Variants in STK32B observed in about 807,000 individuals in gnomAD.
STK32B encodes serine/threonine-protein kinase 32B.
Under a neutral mutation model 52.6 loss-of-function variants are expected in STK32B, and 43 were observed. The observed-to-expected ratio is 0.82, with a 90% CI of 0.64 to 1.05. The LOEUF (loss-of-function observed/expected upper bound fraction) is 1.05. Among genes scored for constraint, STK32B ranks in the 50% least tolerant of loss-of-function variants. STK32B has a pLI of 0.00. For missense variants in STK32B, 621 were observed against 534.6 expected, an observed-to-expected ratio of 1.16 and a Z score of -1.59; for synonymous variants, 238 against 204.3, an observed-to-expected ratio of 1.17 and a Z score of -1.41.
chr4:5,128,365 C>G (rs1055556093), intron 1 of STK32B, among the ~76,000 whole-genome samples: 3 of 152,228 alleles, frequency 2.0e-5, no homozygotes, highest in African/African-American at 7.2e-5. Flanking sequence ...TTCTTATTGT[C>G]TCTCAAACAT....
At chr4:5,480,711 T>A (rs533941824) in intron 11 of STK32B, among the ~76,000 whole-genome samples, 38 of 152,116 alleles carry the variant, frequency 2.5e-4, no homozygotes, top group Non-Finnish European at 4.7e-4. Context: ...TAGGTATATC[T>A]CCTAATGCTA....
At chr4:5,352,617 TAAA>T (rs1553876827) in intron 4 of STK32B, among the ~76,000 whole-genome samples, 33 of 86,004 alleles carry the variant, frequency 3.8e-4, no homozygotes, top group African/African-American at 1.8e-3. Flanking sequence ...GAGAAAGAAA[TAAA>T]AAAAAAAAAA....
chr4:5,280,443 C>G (rs950023523), intron 3 of STK32B, among the ~76,000 whole-genome samples: 2 of 152,176 alleles, frequency 1.3e-5, no homozygotes, highest in Non-Finnish European at 2.9e-5. Flanking sequence ...TCCTGACTCT[C>G]CCTCGTCTCC....
chr4:5,422,695 C>G (rs195099), intron 6 of STK32B, among the ~76,000 whole-genome samples: 70,710 of 151,836 alleles, frequency 0.47, 17,677 homozygotes, highest in Middle Eastern at 0.71. Context: ...GGCTGCAGAG[C>G]GGGGTACTGC....
At chr4:5,034,872 T>C in the STK32B span, among the ~76,000 whole-genome samples, 2 of 152,212 alleles carry the variant, frequency 1.3e-5, no homozygotes, top group African/African-American at 4.8e-5. Context: ...GTAATGTCAG[T>C]AGCACTTGAT....
intron 3 of STK32B, among the ~76,000 whole-genome samples, chr4:5,201,714 G>T (rs893217621): frequency 1.3e-5 from 2 of 152,166 alleles, no homozygotes; most frequent in Non-Finnish European, 2.9e-5. Context: ...GGGGAGCAAG[G>T]CACATCTTAC....
rs185481256 is a variant in STK32B at position 5,318,974 on chromosome 4, G to T, written c.261-12246G>T. Among the ~76,000 whole-genome samples the T allele has an allele frequency of 3.5e-3, 534 of 151,886 alleles. 8 individuals are homozygous for T. Among genetic ancestry groups the T allele is most frequent in the Admixed American group, 0.032 (493 of 15,244 alleles). Reference sequence around the variant, plus strand: ...GCCACCATGCCCAGCTAATTTTTTTGTGTGTATTTTTAGTAGAGATGGGGT... The same window carrying T: ...GCCACCATGCCCAGCTAATTTTTTTTTGTGTATTTTTAGTAGAGATGGGGT... On this transcript the variant is annotated intron_variant, in intron 3 of 11. Coordinates refer to ENST00000282908, the MANE Select transcript of STK32B (RefSeq NM_018401.3).
chr4:5,058,737 T>C lies in STK32B; in HGVS notation c.52+6822T>C, dbSNP rs1319113434. Among the ~76,000 whole-genome samples the C allele has an allele frequency of 2.0e-5, 3 of 152,056 alleles. No homozygotes were observed. The highest frequency in any genetic ancestry group is 1.5e-5 in the Non-Finnish European group (1 of 68,014). ...CATGCCCTGCTAGTTTATTTATTTATTTTTTATTTATTTTACTTATTTATT... is the reference window on the plus strand; with the variant it reads ...CATGCCCTGCTAGTTTATTTATTTACTTTTTATTTATTTTACTTATTTATT... On this transcript the variant is annotated intron_variant, in intron 1 of 11. Coordinates refer to ENST00000282908, the MANE Select transcript of STK32B (RefSeq NM_018401.3). This position sits in a 1 kb window ranked among gnomAD's most constrained non-coding sequence, Gnocchi z 4.8.
intron 9 of STK32B, 126 bp from the exon 10 acceptor site, chr4:5,466,577 C>G: frequency 8.0e-7 from 1 of 1,252,610 alleles, no homozygotes; most frequent in Non-Finnish European, 1.1e-6. Context: ...AAAGGTAACC[C>G]GTGTATCCAA....
chr4:5,165,972 C>T (rs887794410), intron 2 of STK32B, among the ~76,000 whole-genome samples: 1 of 152,186 alleles, frequency 6.6e-6, no homozygotes, highest in East Asian at 1.9e-4. Context: ...CCCAGTGGTG[C>T]CGGGTGGGTT....
At chr4:5,377,620 C>T (rs898303297) in intron 4 of STK32B, among the ~76,000 whole-genome samples, 2 of 152,176 alleles carry the variant, frequency 1.3e-5, no homozygotes, top group African/African-American at 4.8e-5. Flanking sequence ...CCCATAATCC[C>T]CACGTGTCAA....
intron 4 of STK32B, among the ~76,000 whole-genome samples, chr4:5,390,348 G>A (rs1736519510): frequency 6.6e-6 from 1 of 152,188 alleles, no homozygotes; most frequent in South Asian, 2.1e-4. Context: ...GACAGGAGCT[G>A]CAGAATTTCC....
intron 3 of STK32B, among the ~76,000 whole-genome samples, chr4:5,322,604 G>A (rs1038475939): frequency 7.9e-5 from 12 of 152,218 alleles, no homozygotes; most frequent in Non-Finnish European, 4.4e-5. Flanking sequence ...GTGGAGAAAG[G>A]TGGCTGTTTC....
intron 1 of STK32B, among the ~76,000 whole-genome samples, chr4:5,061,800 C>T (rs1456281691): frequency 6.6e-6 from 1 of 152,144 alleles, no homozygotes; most frequent in Admixed American, 6.5e-5. Flanking sequence ...TTGGTAGTTC[C>T]TGATGTTCAG....
intron 9 of STK32B, among the ~76,000 whole-genome samples, chr4:5,463,804 T>C (rs1437950480): frequency 6.6e-6 from 1 of 152,158 alleles, no homozygotes; most frequent in East Asian, 1.9e-4. Flanking sequence ...TCCCTTCCTC[T>C]CCTTGTCCAC....
chr4:5,386,768 TC>T lies in STK32B; in HGVS notation c.435-11437del, dbSNP rs1216056560. ...CTCATCTGGAAAATGACCAGGTCGT[TC>T]CGGGTGGTGGCTGGACCCTCCATTG... On this transcript the variant is annotated intron_variant, in intron 4 of 11. Transcript: ENST00000282908. The surrounding 1 kb of genome is among the most constrained non-coding windows in gnomAD (Gnocchi z 4.5). Among the ~76,000 whole-genome samples the T allele has an allele frequency of 6.6e-6, 1 of 152,180 alleles. No individual in the cohort carries two copies. The highest frequency in any genetic ancestry group is 1.5e-5 in the Non-Finnish European group (1 of 68,014).
chr4:5,342,262 G>A (rs977119250), intron 4 of STK32B, among the ~76,000 whole-genome samples: 9 of 152,094 alleles, frequency 5.9e-5, no homozygotes, highest in Non-Finnish European at 1.0e-4. Context: ...TATGTTTATT[G>A]TGTCACTATT....
At position 5,317,424 on chromosome 4, in the gene STK32B, TAC is replaced by T. The variant is rs1162028866; in HGVS notation, c.261-13794_261-13793del. Among the ~76,000 whole-genome samples, 11 of 27,214 alleles carry T rather than the reference TAC, an allele frequency of 4.0e-4. 2 individuals are homozygous for T. The highest frequency in any genetic ancestry group is 2.9e-3 in the African/African-American group (11 of 3,760). 17.9% of individuals were successfully genotyped at this position (27,214 alleles called of 152,430 possible). ...TATAATGTATATGTATTATATATAA[TAC>T]ATATATATTACATATATACATAATA... On this transcript the variant is annotated intron_variant, in intron 3 of 11. Coordinates refer to ENST00000282908, the MANE Select transcript of STK32B (RefSeq NM_018401.3).
chr4:5,427,929 C>T (rs1159739407), intron 6 of STK32B, among the ~76,000 whole-genome samples: 1 of 151,068 alleles, frequency 6.6e-6, no homozygotes. Context: ...TGCCCTCCTT[C>T]TCTCTGCTTA....
Sources: allele counts gnomAD v4.1 joint callset (sites outside exome capture counted in the v4.1 genomes callset), GRCh38; gene constraint gnomAD v4.1.1; non-coding constraint Gnocchi (gnomAD v3.1); transcripts MANE v1.5; gene names NCBI Gene and HGNC (gene_info 2026-07-23, HGNC 2026-07-21).